PITPNM3: variants seen among roughly 807,000 people sequenced by gnomAD.
PITPNM3 encodes the protein membrane-associated phosphatidylinositol transfer protein 3.
PITPNM3 carries 26 observed loss-of-function variants against 102.0 expected under a neutral mutation model. The ratio of observed to expected loss-of-function variants is 0.25; its 90% confidence interval spans 0.19 to 0.35. The LOEUF (loss-of-function observed/expected upper bound fraction) is 0.35, where lower values mean the gene tolerates loss of function less well. Among genes scored for constraint, PITPNM3 ranks in the 10% least tolerant of loss-of-function variants. PITPNM3 has a pLI of 1.00. For missense variants in PITPNM3, 1,083 were observed against 1,346.1 expected, an observed-to-expected ratio of 0.80 and a Z score of 3.06; for synonymous variants, 578 against 558.6, an observed-to-expected ratio of 1.03 and a Z score of -0.49.
At chr17:6,512,605 G>C (rs1452309442) in intron 3 of PITPNM3, among the ~76,000 whole-genome samples, 2 of 152,160 alleles carry the variant, frequency 1.3e-5, no homozygotes, top group Admixed American at 1.3e-4. Flanking sequence ...TTTCTAACCA[G>C]TTCCCAAGAG....
At chr17:6,509,220 G>A (rs1048290779) in intron 3 of PITPNM3, among the ~76,000 whole-genome samples, 3 of 152,130 alleles carry the variant, frequency 2.0e-5, no homozygotes, top group South Asian at 2.1e-4. Flanking sequence ...TCCCGCTAAC[G>A]GTTTCCTGAG....
At chr17:6,543,355 G>A (rs527541104) in intron 1 of PITPNM3, among the ~76,000 whole-genome samples, 1 of 152,236 alleles carries the variant, frequency 6.6e-6, no homozygotes, top group Non-Finnish European at 1.5e-5. Flanking sequence ...GGTGGACAGA[G>A]AGACAGACAG....
At chr17:6,544,748 G>A (rs968405887) in intron 1 of PITPNM3, among the ~76,000 whole-genome samples, 4 of 151,688 alleles carry the variant, frequency 2.6e-5, no homozygotes, top group Admixed American at 6.6e-5. Context: ...AACTCCTGGC[G>A]GCTGATGCAG....
Position 6,472,260 on chromosome 17 carries a change from G to A in PITPNM3, c.1429+397C>T, listed in dbSNP as rs915478590. ...CTGCCCAAATGCACCTCCCCTCTCTGGACCCTAATCAAAGGCCACCTCTTC... is the reference window on the plus strand; with the variant it reads ...CTGCCCAAATGCACCTCCCCTCTCTAGACCCTAATCAAAGGCCACCTCTTC... On this transcript the variant is annotated intron_variant, in intron 11 of 19. Coordinates refer to ENST00000262483, the MANE Select transcript of PITPNM3 (RefSeq NM_031220.4). The surrounding 1 kb of genome is among the most constrained non-coding windows in gnomAD (Gnocchi z 4.1). Among the ~76,000 whole-genome samples the A allele has an allele frequency of 2.0e-5, 3 of 152,076 alleles. No homozygotes were observed. The highest frequency in any genetic ancestry group is 7.2e-5 in the African/African-American group (3 of 41,412).
At chr17:6,508,704 G>A (rs191650839) in intron 3 of PITPNM3, among the ~76,000 whole-genome samples, 68 of 152,264 alleles carry the variant, frequency 4.5e-4, no homozygotes, top group African/African-American at 9.9e-4. Context: ...CTCCTGCAGC[G>A]CAGCCTGAGC....
intron 3 of PITPNM3, among the ~76,000 whole-genome samples, chr17:6,514,480 C>T (rs999223228): frequency 9.2e-5 from 14 of 152,234 alleles, no homozygotes; most frequent in East Asian, 5.8e-4. Context: ...GATAAACAAA[C>T]GATGAATAAG....
chr17:6,496,579 G>A (rs1906839259), intron 4 of PITPNM3, among the ~76,000 whole-genome samples: 1 of 152,008 alleles, frequency 6.6e-6, no homozygotes, highest in Non-Finnish European at 1.5e-5. Context: ...TAATCCTCAC[G>A]CTTTTCATTT....
At chr17:6,476,897 G>A in intron 9 of PITPNM3, 132 bp downstream of exon 9, 1 of 1,121,682 alleles carries the variant, frequency 8.9e-7, no homozygotes, top group Non-Finnish European at 1.3e-6. Context: ...CCGATGGCGA[G>A]TGGCCTTGGT....
At chr17:6,473,099 C>T (rs1905140146) in intron 10 of PITPNM3, 1 of 511,772 alleles carries the variant, frequency 2.0e-6, no homozygotes, top group African/African-American at 1.9e-5. Context: ...TTGCTCAAAA[C>T]ATCCCTTCTC....
At chr17:6,541,649 G>C (rs1440993488) in intron 1 of PITPNM3, among the ~76,000 whole-genome samples, 3 of 152,056 alleles carry the variant, frequency 2.0e-5, no homozygotes, top group African/African-American at 7.2e-5. Flanking sequence ...GTCTCCTGGG[G>C]GAGGGGACCA....
At position 6,464,177 on chromosome 17, in the gene PITPNM3, C is replaced by T; in HGVS notation, c.2149G>A (p.Val717Ile). ...ATGGCCCCTGGGTCTTACCTGACGA[C>T]CATCTTCACAGGATAGACACCAACC... ...LGVGVYPVKM[V>I]VRGDQTCAMS... The change falls in exon 16 of 20, where the codon GTC (valine) becomes ATC (isoleucine). Residue 717 changes from valine (V) to isoleucine (I), a missense_variant. Coordinates refer to ENST00000262483, the MANE Select transcript of PITPNM3 (RefSeq NM_031220.4). 1 of 1,614,174 alleles carries T rather than the reference C, an allele frequency of 6.2e-7. No homozygotes were observed. The highest frequency in any genetic ancestry group is 8.5e-7 in the Non-Finnish European group (1 of 1,180,024).
chr17:6,556,249 C>T lies in PITPNM3; in HGVS notation c.22+136G>A, dbSNP rs535834073. ...CTCTCCACGCGCGGGAGGTCCAGCC[C>T]CGCTACCGCCCCCTACGCCCTCCCG... On this transcript the variant is annotated intron_variant, in intron 1 of 19. Coordinates refer to ENST00000262483, the MANE Select transcript of PITPNM3 (RefSeq NM_031220.4). This position sits in a 1 kb window ranked among gnomAD's most constrained non-coding sequence, Gnocchi z 5.2. 9.2e-4 allele frequency: 592 copies of T among 643,166 alleles called. 3 individuals are homozygous for T. The African/African-American group carries it at 0.011, about 11-fold the overall frequency. The allele number at this position is 643,166 out of a possible 1,614,324, so 39.8% of individuals were successfully genotyped here.
At chr17:6,463,417 G>GGGAGGGAGGAAGGGAGGGAA (rs1904576169) in intron 17 of PITPNM3, among the ~76,000 whole-genome samples, 1 of 58,720 alleles carries the variant, frequency 1.7e-5, no homozygotes. Flanking sequence ...CACGAGTGCA[G>GGGAGGGAGGAAGGGAGGGAA]GGAGGGAGGC....
intron 1 of PITPNM3, among the ~76,000 whole-genome samples, 166 bp from the exon 2 acceptor site, chr17:6,538,248 A>C (rs1909553152): frequency 6.6e-6 from 1 of 152,166 alleles, no homozygotes; most frequent in South Asian, 2.1e-4. Flanking sequence ...CTGTGCTGTC[A>C]TTGAAGCTCA....
chr17:6,455,563 G>A lies in PITPNM3; in HGVS notation c.2700C>T (p.Arg900=), dbSNP rs139901820. The change falls in exon 20 of 20, where the codon CGC becomes CGT. Residue 900 remains arginine (R), a synonymous_variant. Transcript: ENST00000262483. ...HRSRPKKNNS[R]MILRKGSFGL... is the part of the protein sequence containing the mutation. ...CGAAGCTGCCCTTGCGCAGGATCAT[G>A]CGCGAGTTGTTCTTCTTTGGGCGTG... 2.5e-4 allele frequency: 401 copies of A among 1,602,300 alleles called. 2 individuals are homozygous for A. The highest frequency in any genetic ancestry group is 1.2e-3 in the South Asian group (107 of 90,964).
At chr17:6,465,620 T>C (rs1453361038) in intron 14 of PITPNM3, among the ~76,000 whole-genome samples, 1 of 152,214 alleles carries the variant, frequency 6.6e-6, no homozygotes, top group East Asian at 1.9e-4. Context: ...CCTGGTTTCG[T>C]TCTTCCCTTG....
chr17:6,457,856 AC>A lies in PITPNM3; in HGVS notation c.2491-135del, dbSNP rs1186643178. On this transcript the variant is annotated intron_variant, in intron 18 of 19. Transcript: ENST00000262483. The surrounding 1 kb of genome is among the most constrained non-coding windows in gnomAD (Gnocchi z 4.7). ...CTGGTAGACTCCAAGCCATGGGGCC[AC>A]CCTGTGTCAGGAATGAACCCTCAGA... 2 of 1,306,572 alleles carry A rather than the reference AC, an allele frequency of 1.5e-6. No individual in the cohort carries two copies. Among genetic ancestry groups the A allele is most frequent in the South Asian group, 2.6e-5 (2 of 78,296 alleles). 80.9% of individuals were successfully genotyped at this position (1,306,572 alleles called of 1,614,324 possible). A position where few individuals can be genotyped will look rare whatever the true frequency, so the allele number is the denominator to read the frequency against.
At chr17:6,493,453 G>A (rs868835488) in intron 4 of PITPNM3, among the ~76,000 whole-genome samples, 1 of 152,226 alleles carries the variant, frequency 6.6e-6, no homozygotes, top group Non-Finnish European at 1.5e-5. Context: ...TTTCTGGAGA[G>A]CCATTCCAAG....
chr17:6,528,460 G>A (rs550932445), intron 2 of PITPNM3, among the ~76,000 whole-genome samples: 9 of 152,152 alleles, frequency 5.9e-5, no homozygotes, highest in Middle Eastern at 3.4e-3. Context: ...ACGTGTGCAC[G>A]TGCATGTGTG....
Sources: gnomAD v4.1 joint callset for allele counts (sites outside exome capture counted in the v4.1 genomes callset) on GRCh38, gnomAD v4.1.1 for gene constraint, Gnocchi (gnomAD v3.1) non-coding constraint, MANE v1.5 for transcripts, NCBI Gene and HGNC (gene_info 2026-07-23, HGNC 2026-07-21) for gene names.